Variants in REXO1 observed in about 807,000 individuals in gnomAD.
REXO1 encodes REX1, RNA exonuclease 1 homolog.
In REXO1, 42 loss-of-function variants were observed where a neutral mutation model predicts 102.6. The observed-to-expected ratio is 0.41, with a 90% CI of 0.32 to 0.53. REXO1 has a LOEUF of 0.53. Ranked by LOEUF, REXO1 falls within the 20% of genes least tolerant of loss-of-function variation. The probability of loss-of-function intolerance (pLI) is 0.27; values close to 1 mark genes in which losing one functional copy is unlikely to be tolerated. For synonymous variants in REXO1, 908 were observed against 779.1 expected (o/e 1.17, Z -2.76); for missense variants, 1,819 against 1,732.5 (o/e 1.05, Z -0.89).
chr19:1,848,243 GA>G lies in REXO1; in HGVS notation c.115del (p.Ser39ProfsTer121), dbSNP rs753052461. ...CTCTCCGCCGTCACCGGGCGCGCCG[GA>G]GCCCCGGGCCCCGCGGTGCCGGAAG... ...CHFRHRGARGSGAPGDGGEAP... is the reference protein window; with the variant it reads ...CHFRHRGARGXGAPGDGGEAP... On this transcript the variant is annotated frameshift_variant, in exon 1 of 16. Transcript: ENST00000170168. LOFTEE classifies it high-confidence loss of function. The G allele has an allele frequency of 1.6e-6, 2 of 1,229,338 alleles. No homozygotes were observed. The highest frequency in any genetic ancestry group is 4.0e-5 in the South Asian group (1 of 25,278). The allele number at this position is 1,229,338 out of a possible 1,614,324, so 76.2% of individuals were successfully genotyped here. A position where few individuals can be genotyped will look rare whatever the true frequency, so the allele number is the denominator to read the frequency against.
chr19:1,838,148 C>A (rs1042065714), intron 1 of REXO1, among the ~76,000 whole-genome samples: 3 of 151,130 alleles, frequency 2.0e-5, no homozygotes, highest in African/African-American at 7.3e-5. Flanking sequence ...GGGGAAACCC[C>A]GTCCCTACTA....
At chr19:1,837,669 G>A (rs1348497578) in intron 1 of REXO1, among the ~76,000 whole-genome samples, 3 of 152,150 alleles carry the variant, frequency 2.0e-5, no homozygotes, top group African/African-American at 4.8e-5. Flanking sequence ...GGCACCTGGG[G>A]TCTACCCCAC....
At chr19:1,843,855 G>C (rs79894352) in intron 1 of REXO1, among the ~76,000 whole-genome samples, 1 of 152,236 alleles carries the variant, frequency 6.6e-6, no homozygotes, top group Non-Finnish European at 1.5e-5. Flanking sequence ...GGAGGAGGCA[G>C]CACAGGACGC....
chr19:1,827,384 C>G lies in REXO1; in HGVS notation c.1405G>C (p.Ala469Pro). 1 of 1,535,126 alleles carries G rather than the reference C, an allele frequency of 6.5e-7. No individual in the cohort carries two copies. The change falls in exon 2 of 16, where the codon GCC becomes CCC. Residue 469 changes from alanine (A) to proline (P), a missense_variant. Ala to Pro is a conservative substitution (Grantham distance 27). Coordinates refer to ENST00000170168, the MANE Select transcript of REXO1 (RefSeq NM_020695.4). Reference protein sequence around the residue: ...SPTSGDSRPAAGRGPPRPLQL... With the variant: ...SPTSGDSRPAPGRGPPRPLQL... ...AGGGGGCGGGGTGGGCCTCTGCCGG[C>G]CGCCGGTCGGGAGTCCCCGCTTGTG...
At chr19:1,836,671 G>C (rs1205798108) in intron 1 of REXO1, among the ~76,000 whole-genome samples, 1 of 150,564 alleles carries the variant, frequency 6.6e-6, no homozygotes, top group Non-Finnish European at 1.5e-5. Context: ...ACTTGAACCC[G>C]GGAGGCGGAG....
In REXO1 at chr19:1,816,802, T is replaced by G. The variant is rs148047738; in HGVS notation, c.3213A>C (p.Thr1071=). The part of the protein sequence containing the change: ...YALDCEMSYT[T]YGLELTRVTV... ...TGACGCGCGTCAGCTCCAGGCCATA[T>G]GTGGTGTAGGACTGCGGGCAAGGGA... The change falls in exon 13 of 16, where the codon ACA becomes ACC. Residue 1071 remains threonine, a synonymous_variant. Transcript: ENST00000170168. 1.6e-4 allele frequency: 265 copies of G among 1,610,756 alleles called. 1 individual carries two copies. In the African/African-American group the frequency reaches 1.9e-3, roughly 12 times the overall value.
At position 1,817,412 on chromosome 19, in the gene REXO1, T is replaced by C. The variant is rs557176899; in HGVS notation, c.3091-83A>G. Reference sequence around the variant, plus strand: ...CAGCAGCAGCACATCTCTGAGCCCTTCGGGACCATCCTATCCATCCATCAC... The same window carrying C: ...CAGCAGCAGCACATCTCTGAGCCCTCCGGGACCATCCTATCCATCCATCAC... On this transcript the variant is annotated intron_variant, in intron 11 of 15. Coordinates refer to ENST00000170168, the MANE Select transcript of REXO1 (RefSeq NM_020695.4). 12 of 1,568,190 alleles carry C rather than the reference T, an allele frequency of 7.7e-6. No individual in the cohort carries two copies. In the East Asian group the frequency reaches 2.8e-4, roughly 36 times the overall value.
rs1452221343 is a variant in REXO1 at position 1,828,315 on chromosome 19, T to C, written c.474A>G (p.Leu158=). The C allele has an allele frequency of 1.9e-6, 3 of 1,609,842 alleles. No homozygotes were observed. The highest frequency in any genetic ancestry group is 1.1e-5 in the South Asian group (1 of 90,802). Residue 158 remains leucine, a synonymous_variant, in exon 2 of 16, where the codon CTA becomes CTG. Transcript: ENST00000170168. ...AFDYSPGSHG[L]LSPDAGYQPT... is the part of the protein sequence containing the mutation. Reference sequence around the variant, plus strand: ...GCTGGTAGCCGGCATCAGGGCTTAATAGGCCGTGGCTGCCGGGGCTGTAGT... The same window carrying C: ...GCTGGTAGCCGGCATCAGGGCTTAACAGGCCGTGGCTGCCGGGGCTGTAGT...
Position 1,818,566 on chromosome 19 carries a change from T to C in REXO1, c.2932A>G (p.Thr978Ala). ...SSCRTCCRCG[T>A]EYLVSSSGRC... is the part of the protein sequence containing the mutation. Reference sequence around the variant, plus strand: ...CCTGAAGAGGACACGAGGTACTCGGTGCCACAGCGGCAGCAGGTCCTGCAG... The same window carrying C: ...CCTGAAGAGGACACGAGGTACTCGGCGCCACAGCGGCAGCAGGTCCTGCAG... Residue 978 changes from threonine (T) to alanine (A), a missense_variant, in exon 10 of 16, where the codon ACC (threonine) becomes GCC (alanine). Transcript: ENST00000170168. 1 of 1,611,704 alleles carries C rather than the reference T, an allele frequency of 6.2e-7. No homozygotes were observed. Among genetic ancestry groups the C allele is most frequent in the Non-Finnish European group, 8.5e-7 (1 of 1,179,620 alleles).
In REXO1 at chr19:1,827,428, G is replaced by A; in HGVS notation, c.1361C>T (p.Pro454Leu). 5.8e-6 allele frequency: 9 copies of A among 1,551,202 alleles called. No individual in the cohort carries two copies. Among genetic ancestry groups the A allele is most frequent in the Non-Finnish European group, 6.9e-6 (8 of 1,159,060 alleles). ...GCTTGTGGGGCTCGGCCGCCGCGCT[G>A]GCCGGTCAGGCCTCCCTTTCCCTGA... ...ATSGKGRPDR[P>L]ARRPSPTSGD... The change falls in exon 2 of 16, where the codon CCA (proline) becomes CTA (leucine). Residue 454 changes from proline (P) to leucine (L), a missense_variant. Coordinates refer to ENST00000170168, the MANE Select transcript of REXO1 (RefSeq NM_020695.4).
rs141798167 is a variant in REXO1, at chr19:1,817,225, G to A, written c.3195C>T (p.Cys1065=). ...GGGCAGAGAACAGCCTCACCATCTC[G>A]CAGTCCAGGGCGTAGATCCCCGGGT... ...DTHPGIYALD[C]EMSYTTYGLE... Residue 1065 remains cysteine, a synonymous_variant, in exon 12 of 16, where the codon TGC becomes TGT. Transcript: ENST00000170168. The A allele has an allele frequency of 1.3e-4, 206 of 1,612,430 alleles. No individual in the cohort carries two copies. Among genetic ancestry groups the A allele is most frequent in the Middle Eastern group, 1.7e-4 (1 of 6,024 alleles).
Position 1,819,133 on chromosome 19 carries a change from TG to T in REXO1, c.2651-3del. 6.4e-7 allele frequency: 1 copy of T among 1,559,890 alleles called. No individual in the cohort carries two copies. On this transcript the variant is annotated splice_polypyrimidine_tract_variant and splice_region_variant and intron_variant, in intron 7 of 15. Coordinates refer to ENST00000170168, the MANE Select transcript of REXO1 (RefSeq NM_020695.4). ...ACACAACCCTGCGGCCACTGGTTTC[TG>T]GAAGGAAGGGAGGGAGGGGAGGAGG...
At position 1,828,147 on chromosome 19, in the gene REXO1, G is replaced by A. The variant is rs760095115; in HGVS notation, c.642C>T (p.Arg214=). ...KAVSQPRRHS[R]PVPSGKYVVD... ...CCACGTACTTGCCACTGGGAACGGGGCGGCTGTGCCGCCGGGGCTGGCTCA... is the reference window on the plus strand; with the variant it reads ...CCACGTACTTGCCACTGGGAACGGGACGGCTGTGCCGCCGGGGCTGGCTCA... Residue 214 remains arginine, a synonymous_variant, in exon 2 of 16, where the codon CGC becomes CGT. Coordinates refer to ENST00000170168, the MANE Select transcript of REXO1 (RefSeq NM_020695.4). 6 of 1,610,888 alleles carry A rather than the reference G, an allele frequency of 3.7e-6. No homozygotes were observed. In the Middle Eastern group the frequency reaches 6.6e-4, roughly 178 times the overall value.
rs376388296 is a variant in REXO1 at position 1,828,377 on chromosome 19, C to T, written c.412G>A (p.Val138Met). 3.7e-5 allele frequency: 59 copies of T among 1,608,832 alleles called. No individual in the cohort carries two copies. Among genetic ancestry groups the T allele is most frequent in the Non-Finnish European group, 3.3e-5 (39 of 1,177,844 alleles). Residue 138 changes from valine to methionine, a missense_variant, in exon 2 of 16, where the codon GTG becomes ATG. By Grantham distance (21) the Val-to-Met change is conservative. Coordinates refer to ENST00000170168, the MANE Select transcript of REXO1 (RefSeq NM_020695.4). ...GGGAAGGCATCCTCGTCCGGGCCCACAGTGGGGCTGGCGTTGGGGCCGCGG... is the reference window on the plus strand; with the variant it reads ...GGGAAGGCATCCTCGTCCGGGCCCATAGTGGGGCTGGCGTTGGGGCCGCGG... ...APRGPNASPT[V>M]GPDEDAFPLA...
intron 6 of REXO1, 66 bp downstream of exon 6, chr19:1,820,198 G>A (rs1024379565): frequency 3.2e-6 from 5 of 1,567,908 alleles, no homozygotes; most frequent in Non-Finnish European, 3.5e-6. Context: ...GCCGGGGGAT[G>A]TCTGGGGACC....
intron 12 of REXO1, 58 bp from the exon 13 acceptor site, chr19:1,816,871 T>G: frequency 3.1e-6 from 4 of 1,271,856 alleles, no homozygotes; most frequent in Admixed American, 1.8e-5. Context: ...CTCCCTCCCC[T>G]TCCCTGCCCC....
At chr19:1,843,163 G>T (rs969482140) in intron 1 of REXO1, among the ~76,000 whole-genome samples, 1 of 151,750 alleles carries the variant, frequency 6.6e-6, no homozygotes, top group African/African-American at 2.4e-5. Flanking sequence ...CAGCTCCCCG[G>T]GCCCAGAGCC....
chr19:1,826,817 T>A lies in REXO1; in HGVS notation c.1911+61A>T. 2 of 1,533,740 alleles carry A rather than the reference T, an allele frequency of 1.3e-6. No homozygotes were observed. The highest frequency in any genetic ancestry group is 4.9e-5 in the East Asian group (2 of 40,880). On this transcript the variant is annotated intron_variant, in intron 2 of 15. Transcript: ENST00000170168. This position sits in a 1 kb window ranked among gnomAD's most constrained non-coding sequence, Gnocchi z 4.3. ...TGGAAACCACTCCAGATAGAAGGTCTCTCACCAGGCCCTCGGCTCTGCCTC... is the reference window on the plus strand; with the variant it reads ...TGGAAACCACTCCAGATAGAAGGTCACTCACCAGGCCCTCGGCTCTGCCTC...
chr19:1,821,439 G>C, intron 5 of REXO1, 80 bp downstream of exon 5: 1 of 1,559,764 alleles, frequency 6.4e-7, no homozygotes, highest in Non-Finnish European at 8.8e-7. Context: ...GGCGAGGCTG[G>C]CCCTCCGCAG....
Sources: gnomAD v4.1 joint callset for allele counts (sites outside exome capture counted in the v4.1 genomes callset) on GRCh38, gnomAD v4.1.1 for gene constraint, Gnocchi (gnomAD v3.1) non-coding constraint, MANE v1.5 for transcripts, NCBI Gene and HGNC (gene_info 2026-07-23, HGNC 2026-07-21) for gene names.